The following TCF12 variants were observed in gnomAD, a reference collection of about 807,000 sequenced individuals.
TCF12 encodes the protein transcription factor 12.
In TCF12, 45 loss-of-function variants were observed where a neutral mutation model predicts 86.0. The ratio of observed to expected loss-of-function variants is 0.52; its 90% CI spans 0.41 to 0.67. The LOEUF (loss-of-function observed/expected upper bound fraction) is 0.67, where lower values mean the gene tolerates loss of function less well. Among genes scored for constraint, TCF12 ranks in the 30% least tolerant of loss-of-function variants. The pLI is 0.00. For synonymous variants in TCF12, 330 were observed against 299.6 expected (o/e 1.10, Z -1.05); for missense variants, 881 against 859.9 (o/e 1.02, Z -0.31).
chr15:57,281,610 G>T (rs373725961), intron 19 of TCF12: 1 of 152,162 alleles, frequency 6.6e-6, no homozygotes, highest in African/African-American at 2.4e-5. Flanking sequence ...TCAGATCAGC[G>T]GCAGCATTAG....
chr15:57,180,620 G>T (rs1354886119), intron 6 of TCF12, among the ~76,000 whole-genome samples: 1 of 150,544 alleles, frequency 6.6e-6, no homozygotes, highest in Non-Finnish European at 1.5e-5. Flanking sequence ...CTTCAGGGGT[G>T]TAAGATAGGC....
intron 5 of TCF12, among the ~76,000 whole-genome samples, chr15:57,107,943 C>T (rs192259013): frequency 6.6e-6 from 1 of 152,140 alleles, no homozygotes; most frequent in East Asian, 1.9e-4. Context: ...AACATGCATT[C>T]TGAAGATCCA....
intron 16 of TCF12, among the ~76,000 whole-genome samples, chr15:57,257,948 TA>T (rs2060425790): frequency 6.6e-6 from 1 of 152,218 alleles, no homozygotes; most frequent in South Asian, 2.1e-4. Context: ...GCTAAACTTT[TA>T]GAATAAACTG....
At chr15:56,995,231 CTTTTTTTTTTTTTTTTTT>C (rs557610511) in intron 3 of TCF12, among the ~76,000 whole-genome samples, 3 of 30,308 alleles carry the variant, frequency 9.9e-5, no homozygotes, top group South Asian at 5.5e-3. Context: ...ATACCTGCAG[CTTTTTTTTTTTTTTTTTT>C]TTTTTTTTTT....
Position 57,288,032 on chromosome 15 carries a change from T to C in TCF12, c.*1887T>C, listed in dbSNP as rs1210465547. The C allele has an allele frequency of 2.6e-5, 4 of 152,612 alleles. No individual in the cohort carries two copies. The highest frequency in any genetic ancestry group is 5.9e-5 in the Non-Finnish European group (4 of 68,022). The allele number at this position is 152,612 out of a possible 1,614,324, so 9.5% of individuals were successfully genotyped here. On this transcript the variant is annotated 3_prime_UTR_variant, in exon 21 of 21. Transcript: ENST00000333725. ...TTCATAAAATAGAAAGAAAAAAACA[T>C]TTGGCTTATTTTTCACTGTAGCTAG...
chr15:56,938,838 C>T (rs1394133799), intron 3 of TCF12, among the ~76,000 whole-genome samples: 2 of 152,072 alleles, frequency 1.3e-5, no homozygotes, highest in Non-Finnish European at 2.9e-5. Flanking sequence ...ACATTCAGTC[C>T]ATAACACAGT....
chr15:57,017,429 G>A (rs551004804), intron 3 of TCF12, among the ~76,000 whole-genome samples: 1 of 152,270 alleles, frequency 6.6e-6, no homozygotes, highest in African/African-American at 2.4e-5. Flanking sequence ...TATTGGTATT[G>A]CCTATCATTG....
intron 3 of TCF12, among the ~76,000 whole-genome samples, chr15:57,057,890 C>T (rs571859197): frequency 1.3e-5 from 2 of 152,242 alleles, no homozygotes; most frequent in East Asian, 1.9e-4. Context: ...CTTAAAACTA[C>T]GTTTGTAGTG....
At chr15:57,099,809 G>A (rs2049596397) in intron 5 of TCF12, among the ~76,000 whole-genome samples, 1 of 151,766 alleles carries the variant, frequency 6.6e-6, no homozygotes, top group Non-Finnish European at 1.5e-5. Flanking sequence ...ACAGAAGATT[G>A]ATCAAAGCAA....
intron 6 of TCF12, among the ~76,000 whole-genome samples, chr15:57,177,810 T>A (rs1597092952): frequency 6.6e-6 from 1 of 152,216 alleles, no homozygotes; most frequent in East Asian, 1.9e-4. Flanking sequence ...AGCCTTGACC[T>A]CCCAGGTTTG....
chr15:57,214,500 A>G (rs2058252322), intron 8 of TCF12: 1 of 152,148 alleles, frequency 6.6e-6, no homozygotes. Context: ...GATTGTTTCC[A>G]TTGGCTATAT....
At chr15:56,941,459 G>A (rs1289934720) in intron 3 of TCF12, among the ~76,000 whole-genome samples, 2 of 150,596 alleles carry the variant, frequency 1.3e-5, no homozygotes, top group Non-Finnish European at 3.0e-5. Context: ...TGCAACCTCT[G>A]GCTCCCAGGT....
intron 3 of TCF12, among the ~76,000 whole-genome samples, chr15:56,978,397 C>G (rs531305199): frequency 6.6e-6 from 1 of 151,526 alleles, no homozygotes; most frequent in Non-Finnish European, 1.5e-5. Context: ...TTTATATGAA[C>G]GAGAATGAAG....
chr15:56,925,788 T>C (rs978677437), intron 3 of TCF12, among the ~76,000 whole-genome samples: 3 of 152,174 alleles, frequency 2.0e-5, no homozygotes, highest in African/African-American at 7.2e-5. Context: ...AAAGTATGTT[T>C]ATGGATGGGA....
intron 5 of TCF12, among the ~76,000 whole-genome samples, chr15:57,123,271 A>T (rs2051367616): frequency 6.6e-6 from 1 of 152,226 alleles, no homozygotes; most frequent in South Asian, 2.1e-4. Flanking sequence ...AATAGAAAGT[A>T]TATAATTAGC....
intron 3 of TCF12, among the ~76,000 whole-genome samples, chr15:56,932,309 A>C (rs532390635): frequency 3.3e-5 from 5 of 152,336 alleles, no homozygotes; most frequent in Admixed American, 3.3e-4. Flanking sequence ...ATCAACAGTG[A>C]AATACATTTG....
intron 5 of TCF12, among the ~76,000 whole-genome samples, chr15:57,121,141 T>A (rs1310286732): frequency 6.6e-6 from 1 of 152,206 alleles, no homozygotes; most frequent in Non-Finnish European, 1.5e-5. Context: ...TTCCAGAGGC[T>A]ATATAGATGA....
rs2051519569 is a variant in TCF12 at position 57,124,854 on chromosome 15, T to G, written c.325+32963T>G. 2.9e-5 allele frequency among the ~76,000 whole-genome samples: 4 copies of G among 139,162 alleles called. No homozygotes were observed. The South Asian group carries it at 1.0e-3, about 35-fold the overall frequency. The allele number at this position is 139,162 out of a possible 152,430, so 91.3% of individuals were successfully genotyped here. On this transcript the variant is annotated intron_variant, in intron 5 of 20. Transcript: ENST00000333725. The stretch of plus-strand genomic sequence containing the variant: ...CACCATGCCCGGCTAACTTTTTTTT[T>G]GTATTTTTAGTAGAGATGGCGTTTC...
intron 3 of TCF12, among the ~76,000 whole-genome samples, chr15:57,059,364 T>A (rs2068274881): frequency 1.3e-5 from 2 of 152,220 alleles, no homozygotes; most frequent in African/African-American, 4.8e-5. Context: ...ATTGCTTTTC[T>A]TACTGCTTTT....
Sources: allele counts gnomAD v4.1 joint callset (sites outside exome capture counted in the v4.1 genomes callset), GRCh38; gene constraint gnomAD v4.1.1; transcripts MANE v1.5; gene names NCBI Gene and HGNC (gene_info 2026-07-23, HGNC 2026-07-21).